The following LMTK3 variants were observed in gnomAD, a reference collection of about 807,000 sequenced individuals.
LMTK3 encodes serine/threonine-protein kinase LMTK3.
Under a neutral mutation model 116.7 loss-of-function variants are expected in LMTK3, and 27 were observed. The observed-to-expected ratio is 0.23, with a 90% CI of 0.17 to 0.32. The LOEUF (loss-of-function observed/expected upper bound fraction) is 0.32. LMTK3 is among the 10% of genes least tolerant of loss of function. LMTK3 has a pLI of 1.00. For synonymous variants in LMTK3, 965 were observed against 971.0 expected (o/e 0.99, Z 0.11); for missense variants, 1,764 against 2,068.5 (o/e 0.85, Z 2.86).
rs1972295095 is a variant in LMTK3 at position 48,494,697 on chromosome 19, T to C, written c.3677-588A>G. Among the ~76,000 whole-genome samples, 1 of 152,154 alleles carries C rather than the reference T, an allele frequency of 6.6e-6. No homozygotes were observed. Among genetic ancestry groups the C allele is most frequent in the Non-Finnish European group, 1.5e-5 (1 of 68,024 alleles). On this transcript the variant is annotated intron_variant, in intron 11 of 14. Transcript: ENST00000600059. This position sits in a 1 kb window ranked among gnomAD's most constrained non-coding sequence, Gnocchi z 4.0. ...CAAGGGTCACTTAGCCCTCCATTAC[T>C]GCATAAGTGAACTGCCCTTTCTGAG...
In LMTK3 at chr19:48,497,913, C is replaced by A; in HGVS notation, c.3156G>T (p.Leu1052=). 2 of 1,516,790 alleles carry A rather than the reference C, an allele frequency of 1.3e-6. No homozygotes were observed. Among genetic ancestry groups the A allele is most frequent in the Non-Finnish European group, 1.8e-6 (2 of 1,137,874 alleles). 94.0% of individuals were successfully genotyped at this position (1,516,790 alleles called of 1,614,324 possible). ...TIGEPAPETS[L]ERAPAPSAVV... is the part of the protein sequence containing the mutation. The stretch of plus-strand genomic sequence containing the variant: ...CTGCGCTGGGTGCAGGGGCTCTCTC[C>A]AGAGAGGTCTCTGGGGCTGGCTCCC... Residue 1052 remains leucine (L), a synonymous_variant, in exon 11 of 15, where the codon CTG becomes CTT. Coordinates refer to ENST00000600059, the MANE Select transcript of LMTK3 (RefSeq NM_001388485.1). The surrounding 1 kb of genome is among the most constrained non-coding windows in gnomAD (Gnocchi z 5.7).
At position 48,499,448 on chromosome 19, in the gene LMTK3, G is replaced by T; in HGVS notation, c.1621C>A (p.Arg541Ser). ...GGAGGGGAGCCGTGCTCCTCCAAGC[G>T]GATGTAGTACTCGCTGCTCACGGAG... ...SPSVSSEYYI[R>S]LEEHGSPPEP... The change falls in exon 11 of 15, where the codon CGC (arginine) becomes AGC (serine). Residue 541 changes from arginine to serine, a missense_variant. This residue lies in a region of LMTK3 where 1,028 missense variants were observed against 1,050.6 expected (regional missense o/e 0.98). Transcript: ENST00000600059. 1 of 1,474,260 alleles carries T rather than the reference G, an allele frequency of 6.8e-7. No homozygotes were observed. Among genetic ancestry groups the T allele is most frequent in the Non-Finnish European group, 9.0e-7 (1 of 1,112,776 alleles). The allele number at this position is 1,474,260 out of a possible 1,614,324, so 91.3% of individuals were successfully genotyped here.
At position 48,500,028 on chromosome 19, in the gene LMTK3, G is replaced by A. The variant is rs1601050752; in HGVS notation, c.1152-111C>T. 4 of 1,021,350 alleles carry A rather than the reference G, an allele frequency of 3.9e-6. No homozygotes were observed. The highest frequency in any genetic ancestry group is 2.7e-5 in the East Asian group (1 of 36,388). 63.3% of individuals were successfully genotyped at this position (1,021,350 alleles called of 1,614,324 possible). On this transcript the variant is annotated intron_variant, in intron 10 of 14. Transcript: ENST00000600059. This position sits in a 1 kb window ranked among gnomAD's most constrained non-coding sequence, Gnocchi z 4.0. ...GGGGACAGAGACCCAGAGGGTAACA[G>A]AGACCCAGAGAGAGGGGGACAGAGA... is the stretch of plus-strand genomic sequence containing the variant.
intron 12 of LMTK3, 103 bp downstream of exon 12, chr19:48,493,591 C>T: frequency 7.1e-7 from 1 of 1,415,892 alleles, no homozygotes. Flanking sequence ...CCTCCAGGCC[C>T]CGCCCAACTC....
intron 14 of LMTK3, among the ~76,000 whole-genome samples, chr19:48,490,292 G>A (rs117928220): frequency 0.033 from 4,984 of 152,152 alleles, 144 homozygotes; most frequent in African/African-American, 0.081. Flanking sequence ...GGGAGGCCGA[G>A]GTGGGTGGAT....
rs956310846 is a variant in LMTK3, at chr19:48,499,449, G to A, written c.1620C>T (p.Ile540=). 1.4e-6 allele frequency: 2 copies of A among 1,475,382 alleles called. No homozygotes were observed. Among genetic ancestry groups the A allele is most frequent in the African/African-American group, 2.9e-5 (2 of 69,770 alleles). 91.4% of individuals were successfully genotyped at this position (1,475,382 alleles called of 1,614,324 possible). A position where few individuals can be genotyped will look rare whatever the true frequency, so the allele number is the denominator to read the frequency against. The part of the protein sequence containing the change: ...RSPSVSSEYY[I]RLEEHGSPPE... ...GAGGGGAGCCGTGCTCCTCCAAGCGGATGTAGTACTCGCTGCTCACGGAGG... is the reference window on the plus strand; with the variant it reads ...GAGGGGAGCCGTGCTCCTCCAAGCGAATGTAGTACTCGCTGCTCACGGAGG... The change falls in exon 11 of 15, where the codon ATC becomes ATT. Residue 540 remains isoleucine, a synonymous_variant. Coordinates refer to ENST00000600059, the MANE Select transcript of LMTK3 (RefSeq NM_001388485.1).
intron 12 of LMTK3, 111 bp downstream of exon 12, chr19:48,493,583 T>C (rs1392348898): frequency 5.0e-6 from 4 of 797,906 alleles, no homozygotes; most frequent in Admixed American, 6.6e-5. Flanking sequence ...TCCGCCTCCC[T>C]CCAGGCCCCG....
rs887131203 is a variant in LMTK3, at chr19:48,501,366, T to G, written c.918A>C (p.Pro306=). 5 of 1,613,200 alleles carry G rather than the reference T, an allele frequency of 3.1e-6. No homozygotes were observed. The highest frequency in any genetic ancestry group is 1.7e-5 in the Admixed American group (1 of 60,010). ...YYLTPERLWI[P]LRWAAPELLG... ...GGAGCTCGGGCGCCGCCCAGCGCAGTGGGATCCACAGGCGCTCTGGGGTCA... is the reference window on the plus strand; with the variant it reads ...GGAGCTCGGGCGCCGCCCAGCGCAGGGGGATCCACAGGCGCTCTGGGGTCA... Residue 306 remains proline, a synonymous_variant, in exon 9 of 15, where the codon CCA becomes CCC. Transcript: ENST00000600059.
Position 48,499,680 on chromosome 19 carries a change from G to C in LMTK3, c.1389C>G (p.Asp463Glu). The C allele has an allele frequency of 6.5e-7, 1 of 1,530,938 alleles. No homozygotes were observed. Among genetic ancestry groups the C allele is most frequent in the Non-Finnish European group, 8.8e-7 (1 of 1,137,674 alleles). 94.8% of individuals were successfully genotyped at this position (1,530,938 alleles called of 1,614,324 possible). ...TACTCTCGGTGACCGTGAGCACATC[G>C]TCGGGGTCGGCTCCAGGGAAGCCAT... is the stretch of plus-strand genomic sequence containing the variant. Reference protein sequence around the residue: ...LLDGFPGADPDDVLTVTESSR... With the variant: ...LLDGFPGADPEDVLTVTESSR... The change falls in exon 11 of 15, where the codon GAC (aspartate) becomes GAG (glutamate). Residue 463 changes from aspartate (D) to glutamate (E), a missense_variant. Coordinates refer to ENST00000600059, the MANE Select transcript of LMTK3 (RefSeq NM_001388485.1).
rs549316364 is a variant in LMTK3 at position 48,493,667 on chromosome 19, G to A, written c.4092+27C>T. Reference sequence around the variant, plus strand: ...CCTGCTCCCTCCAGGCCGCGACCCCGAAACCGCGCCCTCTCGGGTTCCGCA... The same window carrying A: ...CCTGCTCCCTCCAGGCCGCGACCCCAAAACCGCGCCCTCTCGGGTTCCGCA... On this transcript the variant is annotated intron_variant, in intron 12 of 14. Coordinates refer to ENST00000600059, the MANE Select transcript of LMTK3 (RefSeq NM_001388485.1). 14 of 1,542,568 alleles carry A rather than the reference G, an allele frequency of 9.1e-6. No homozygotes were observed. The South Asian group carries it at 1.2e-4, about 13-fold the overall frequency.
chr19:48,491,258 G>T lies in LMTK3; in HGVS notation c.4229-13C>A. 1 of 1,395,238 alleles carries T rather than the reference G, an allele frequency of 7.2e-7. No individual in the cohort carries two copies. Among genetic ancestry groups the T allele is most frequent in the Non-Finnish European group, 9.3e-7 (1 of 1,071,838 alleles). 86.4% of individuals were successfully genotyped at this position (1,395,238 alleles called of 1,614,324 possible). On this transcript the variant is annotated splice_polypyrimidine_tract_variant and intron_variant, in intron 13 of 14. Transcript: ENST00000600059. The surrounding 1 kb of genome is among the most constrained non-coding windows in gnomAD (Gnocchi z 5.1). Reference sequence around the variant, plus strand: ...TCGAAACTGCCTCCTGCGGCAGAAGGAAAGACCGCGGTCAGGCTGCAGACA... The same window carrying T: ...TCGAAACTGCCTCCTGCGGCAGAAGTAAAGACCGCGGTCAGGCTGCAGACA...
At chr19:48,513,127 C>T (rs780870980), upstream of LMTK3, 12 of 1,592,856 alleles carry the variant, frequency 7.5e-6, no homozygotes, top group Non-Finnish European at 9.4e-6. The surrounding 1 kb of genome is among the most constrained non-coding windows in gnomAD (Gnocchi z 5.6). Context: ...ACACACGGGT[C>T]GCAAATACCC....
intron 5 of LMTK3, among the ~76,000 whole-genome samples, chr19:48,503,723 T>G (rs1211319487): frequency 6.6e-6 from 1 of 152,172 alleles, no homozygotes; most frequent in East Asian, 1.9e-4. Context: ...GAGTCAGCTT[T>G]ATCCCATGTG....
At chr19:48,501,683 T>G in intron 7 of LMTK3, 121 bp from the exon 8 acceptor site, 2 of 952,322 alleles carry the variant, frequency 2.1e-6, no homozygotes, top group Non-Finnish European at 3.2e-6. Flanking sequence ...ACTCTGCCCC[T>G]TCCCTCTGAT....
chr19:48,503,789 T>C (rs1025192167), intron 5 of LMTK3, among the ~76,000 whole-genome samples: 1 of 149,502 alleles, frequency 6.7e-6, no homozygotes, highest in African/African-American at 2.5e-5. Context: ...ACCTACAGTT[T>C]TCTCTCTCTC....
chr19:48,495,015 GT>G (rs760344922), intron 11 of LMTK3, among the ~76,000 whole-genome samples: 17 of 144,096 alleles, frequency 1.2e-4, no homozygotes, highest in African/African-American at 2.3e-4. Context: ...TGTTTTTTTT[GT>G]TTTTTTTTTT....
chr19:48,513,510 C>T (rs1040544890), upstream of LMTK3: 3 of 330,450 alleles, frequency 9.1e-6, no homozygotes, highest in Admixed American at 4.6e-5. This position sits in a 1 kb window ranked among gnomAD's most constrained non-coding sequence, Gnocchi z 5.6. Context: ...CTCGGGGTCA[C>T]ATCCCACCCT....
intron 14 of LMTK3, among the ~76,000 whole-genome samples, chr19:48,487,643 A>G (rs764730648): frequency 5.3e-5 from 8 of 152,070 alleles, no homozygotes; most frequent in Non-Finnish European, 7.4e-5. Flanking sequence ...AAACTTTCCT[A>G]TGACTCTAGC....
In LMTK3 at chr19:48,510,102, TGAG is replaced by T. The variant is rs1351315328; in HGVS notation, c.279_281del (p.Ser94del). The T allele has an allele frequency of 1.2e-6, 2 of 1,613,658 alleles. No homozygotes were observed. Among genetic ancestry groups the T allele is most frequent in the African/African-American group, 2.7e-5 (2 of 74,880 alleles). Reference sequence around the variant, plus strand: ...GAATGTAGACATCAGGCAGCGACTGTGAGGAGGAGGTCTCCTCCGCAGGGGGAG... The same window carrying T: ...GAATGTAGACATCAGGCAGCGACTGTGAGGAGGTCTCCTCCGCAGGGGGAG... On this transcript the variant is annotated inframe_deletion, in exon 3 of 15. Coordinates refer to ENST00000600059, the MANE Select transcript of LMTK3 (RefSeq NM_001388485.1).
Sources: gnomAD v4.1 joint callset for allele counts (sites outside exome capture counted in the v4.1 genomes callset) on GRCh38, gnomAD v4.1.1 for gene constraint, gnomAD v4.1.1 regional missense constraint, Gnocchi (gnomAD v3.1) non-coding constraint, MANE v1.5 for transcripts, NCBI Gene and HGNC (gene_info 2026-07-23, HGNC 2026-07-21) for gene names.